LRBA: variants seen among roughly 807,000 people sequenced by gnomAD.
The protein encoded by LRBA is lipopolysaccharide-responsive and beige-like anchor protein.
A neutral mutation model predicts 330.0 loss-of-function variants in LRBA; 176 were observed. The observed-to-expected ratio is 0.53, with a 90% CI of 0.47 to 0.60. LRBA has a LOEUF of 0.60. LRBA is among the 20% of genes least tolerant of loss of function. The pLI is 0.00. For synonymous variants in LRBA, 1,230 were observed against 1,193.0 expected (o/e 1.03, Z -0.64); for missense variants, 3,259 against 3,444.8 (o/e 0.95, Z 1.35).
At chr4:150,297,754 C>G (rs1729149143) in intron 53 of LRBA, among the ~76,000 whole-genome samples, 1 of 152,184 alleles carries the variant, frequency 6.6e-6, no homozygotes, top group African/African-American at 2.4e-5. Context: ...GAGCTGTGAT[C>G]AAGAAGCTAA....
chr4:150,330,779 T>C (rs992881887), intron 48 of LRBA, among the ~76,000 whole-genome samples: 1 of 145,472 alleles, frequency 6.9e-6, no homozygotes, highest in Non-Finnish European at 1.6e-5. Context: ...CTGAATACCA[T>C]ATATGTGCAA....
In LRBA at chr4:150,914,408, A is replaced by G. The variant is rs996602926; in HGVS notation, c.1015-67T>C. 32 of 1,105,004 alleles carry G rather than the reference A, an allele frequency of 2.9e-5. No homozygotes were observed. The Middle Eastern group carries it at 1.3e-3, about 46-fold the overall frequency. The allele number at this position is 1,105,004 out of a possible 1,614,324, so 68.4% of individuals were successfully genotyped here. A position where few individuals can be genotyped will look rare whatever the true frequency, so the allele number is the denominator to read the frequency against. ...AAAACTCCAGAAATAATAAAAACCT[A>G]TATTATCATAAATGTTTTGTCCATT... On this transcript the variant is annotated intron_variant, in intron 8 of 56. Coordinates refer to ENST00000651943, the MANE Select transcript of LRBA (RefSeq NM_001364905.1).
intron 31 of LRBA, among the ~76,000 whole-genome samples, chr4:150,810,822 G>A (rs1355300066): frequency 3.9e-5 from 6 of 152,160 alleles, no homozygotes; most frequent in African/African-American, 1.2e-4. Context: ...GGCGGGTCTC[G>A]AACTCTTGGT....
At chr4:150,880,082 A>ACAAAGCCACC (rs574173461) in intron 17 of LRBA, among the ~76,000 whole-genome samples, 2,195 of 152,356 alleles carry the variant, frequency 0.014, 52 homozygotes, top group African/African-American at 0.049. Flanking sequence ...GAACCCAGAA[A>ACAAAGCCACC]CAAAGCCACC....
At chr4:150,462,166 T>A (rs1023682793) in intron 44 of LRBA, among the ~76,000 whole-genome samples, 2 of 151,802 alleles carry the variant, frequency 1.3e-5, no homozygotes, top group Admixed American at 6.6e-5. Context: ...TGGATTAATG[T>A]CACTCCAAAT....
intron 42 of LRBA, among the ~76,000 whole-genome samples, chr4:150,478,357 T>G (rs1469518474): frequency 6.6e-6 from 1 of 152,200 alleles, no homozygotes; most frequent in Non-Finnish European, 1.5e-5. Context: ...GCCATGGGGA[T>G]GGAAGGATGT....
intron 44 of LRBA, among the ~76,000 whole-genome samples, chr4:150,456,548 TGA>T (rs1279636212): frequency 4.6e-5 from 7 of 152,188 alleles, no homozygotes; most frequent in Non-Finnish European, 8.8e-5. Flanking sequence ...TAGACCTGCT[TGA>T]GCTCCTTACA....
chr4:150,903,168 G>A (rs1172671072), intron 13 of LRBA, among the ~76,000 whole-genome samples: 1 of 152,070 alleles, frequency 6.6e-6, no homozygotes, highest in Non-Finnish European at 1.5e-5. Context: ...GATTGCTTGA[G>A]GCCGGAAGTT....
chr4:150,880,876 C>T (rs906639643), intron 17 of LRBA, among the ~76,000 whole-genome samples: 4 of 152,046 alleles, frequency 2.6e-5, no homozygotes, highest in Non-Finnish European at 4.4e-5. Context: ...AAATGGGAAA[C>T]GCCACAAACA....
intron 47 of LRBA, among the ~76,000 whole-genome samples, chr4:150,414,133 T>C (rs1045012547): frequency 2.6e-5 from 4 of 152,220 alleles, no homozygotes; most frequent in Non-Finnish European, 4.4e-5. Flanking sequence ...TGTTTACTCA[T>C]AATTTCAAAA....
chr4:150,495,250 A>G (rs1195503603), intron 40 of LRBA, among the ~76,000 whole-genome samples: 6 of 152,172 alleles, frequency 3.9e-5, no homozygotes, highest in African/African-American at 1.2e-4. Flanking sequence ...TAGTACACAT[A>G]TATCCATAAA....
At chr4:150,560,995 AAAAAGGTTACTATCAGTAAATGCTAGCTG>A (rs2152270363) in intron 40 of LRBA, among the ~76,000 whole-genome samples, 1 of 152,282 alleles carries the variant, frequency 6.6e-6, no homozygotes, top group South Asian at 2.1e-4. Flanking sequence ...CAAAAAAAAG[AAAAAGGTTACTATCAGTAAATGCTAGCTG>A]AAACTACAGT....
intron 40 of LRBA, among the ~76,000 whole-genome samples, chr4:150,564,110 G>A (rs1488838627): frequency 1.3e-5 from 2 of 152,116 alleles, no homozygotes; most frequent in Non-Finnish European, 2.9e-5. Context: ...AAAGCTGGAG[G>A]CATCATGCTA....
chr4:150,641,317 G>A, intron 37 of LRBA, among the ~76,000 whole-genome samples: 1 of 151,974 alleles, frequency 6.6e-6, no homozygotes, highest in East Asian at 1.9e-4. Context: ...TTGATTCAAT[G>A]AATATTTAAC....
chr4:150,706,231 T>C (rs1003957360), intron 36 of LRBA, among the ~76,000 whole-genome samples: 4 of 151,860 alleles, frequency 2.6e-5, no homozygotes, highest in Admixed American at 2.0e-4. Context: ...AATAATTAAA[T>C]TGATTAATAT....
Position 150,928,588 on chromosome 4 carries a change from C to T in LRBA, c.477G>A (p.Leu159=), listed in dbSNP as rs1734127382. ...ADLLVDMLGV[L]ASYNLTVREL... is the part of the protein sequence containing the mutation. ...CGCGAACTGTCAAATTATAGCTAGC[C>T]AGCACTCCCAACATGTCAACCAAAA... The change falls in exon 4 of 57, where the codon CTG becomes CTA. Residue 159 remains leucine (L), a synonymous_variant. Transcript: ENST00000651943. 6.2e-7 allele frequency: 1 copy of T among 1,613,656 alleles called. No homozygotes were observed. The highest frequency in any genetic ancestry group is 1.7e-5 in the Admixed American group (1 of 59,992).
chr4:150,873,478 T>G (rs1753663369), intron 17 of LRBA, among the ~76,000 whole-genome samples: 1 of 151,936 alleles, frequency 6.6e-6, no homozygotes, highest in Non-Finnish European at 1.5e-5. Flanking sequence ...CTAATCCAGC[T>G]TCTCGGGAGG....
intron 2 of LRBA, among the ~76,000 whole-genome samples, chr4:150,962,904 A>G (rs1738311143): frequency 6.9e-6 from 1 of 145,064 alleles, no homozygotes; most frequent in Non-Finnish European, 1.5e-5. Flanking sequence ...CAGTGAGCCG[A>G]TATCACACCA....
chr4:150,554,605 A>T (rs1417138883), intron 40 of LRBA, among the ~76,000 whole-genome samples: 1 of 152,168 alleles, frequency 6.6e-6, no homozygotes, highest in African/African-American at 2.4e-5. Flanking sequence ...AATCACAACT[A>T]AAGTATAGAA....
Sources: gnomAD v4.1 joint callset for allele counts (sites outside exome capture counted in the v4.1 genomes callset) on GRCh38, gnomAD v4.1.1 for gene constraint, MANE v1.5 for transcripts, NCBI Gene and HGNC (gene_info 2026-07-23, HGNC 2026-07-21) for gene names.